The following PSG8 variants were observed in gnomAD, a reference collection of about 807,000 sequenced individuals.
PSG8 encodes pregnancy-specific beta-1-glycoprotein 8.
A neutral mutation model predicts 42.5 loss-of-function variants in PSG8; 57 were observed. That is an observed-to-expected ratio of 1.34 (90% confidence interval 1.08 to 1.67). The LOEUF (loss-of-function observed/expected upper bound fraction) is 1.67, where lower values mean the gene tolerates loss of function less well. Ranked by LOEUF, PSG8 falls within the 40% of genes most tolerant of loss-of-function variation. The pLI, the probability that PSG8 is intolerant of heterozygous loss-of-function variation, is 0.00. For synonymous variants in PSG8, 280 were observed against 196.8 expected (o/e 1.42, Z -3.54); for missense variants, 783 against 518.6 (o/e 1.51, Z -4.95).
chr19:42,754,303 C>A lies in PSG8; in HGVS notation c.1273G>T (p.Gly425Trp). 1 of 1,613,428 alleles carries A rather than the reference C, an allele frequency of 6.2e-7. No individual in the cohort carries two copies. Among genetic ancestry groups the A allele is most frequent in the Non-Finnish European group, 8.5e-7 (1 of 1,179,654 alleles). The change falls in exon 5 of 5, where the codon GGG becomes TGG. Residue 425 changes from glycine to tryptophan, a missense_variant. Physicochemically the swap from Gly to Trp is radical, Grantham distance 184 (BLOSUM62 -2). Coordinates refer to ENST00000306511, the MANE Select transcript of PSG8 (RefSeq NM_182707.3). ...GKRIPVSLAI[G>W]I ...GGCCAGATAGACTCCACCTAAATCCCTATTGCCAAGGATACTGGGATCCGC... is the reference window on the plus strand; with the variant it reads ...GGCCAGATAGACTCCACCTAAATCCATATTGCCAAGGATACTGGGATCCGC...
At chr19:42,753,165 T>A (rs994227157), downstream of PSG8, 1 of 719,586 alleles carries the variant, frequency 1.4e-6, no homozygotes, top group Non-Finnish European at 2.6e-6. Context: ...TGTCCTGGTT[T>A]ACAGTTTGAG....
intron 3 of PSG8, among the ~76,000 whole-genome samples, chr19:42,757,687 G>A (rs994628585): frequency 6.6e-6 from 1 of 152,184 alleles, no homozygotes; most frequent in Non-Finnish European, 1.5e-5. Flanking sequence ...GTGACCCTGT[G>A]AGCCAAGTCA....
At position 42,754,446 on chromosome 19, in the gene PSG8, T is replaced by G. The variant is rs974719797; in HGVS notation, c.1130A>C (p.Gln377Pro). 4 of 1,613,802 alleles carry G rather than the reference T, an allele frequency of 2.5e-6. No homozygotes were observed. Among genetic ancestry groups the G allele is most frequent in the Admixed American group, 1.7e-5 (1 of 59,980 alleles). ...AGTAATTTGGGGGATAAAGAGCTTT[T>G]GTCCTGATAGCTGAAACTTCCCATT... ...TINGKFQLSG[Q>P]KLFIPQITTK... Residue 377 changes from glutamine to proline, a missense_variant, in exon 5 of 5, where the codon CAA (glutamine) becomes CCA (proline). Transcript: ENST00000306511.
intron 2 of PSG8, among the ~76,000 whole-genome samples, chr19:42,762,923 G>A (rs545383874): frequency 2.6e-5 from 4 of 152,166 alleles, no homozygotes; most frequent in East Asian, 1.9e-4. Context: ...CTGTGGCTGC[G>A]GACACACCTC....
rs778872603 is a variant in PSG8 at position 42,764,136 on chromosome 19, C to T, written c.210G>A (p.Gly70=). Residue 70 remains glycine, a synonymous_variant, in exon 2 of 5, where the codon GGG becomes GGA. Transcript: ENST00000306511. ...QNLTGYIWYK[G]QIRDLYHYIT... is the part of the protein sequence containing the mutation. The stretch of plus-strand genomic sequence containing the variant: ...TGTAATGGTAGAGGTCCCTGATTTG[C>T]CCTTTGTACCAGATGTAGCCAGTAA... The T allele has an allele frequency of 5.7e-5, 92 of 1,613,710 alleles. 1 individual carries two copies. Among genetic ancestry groups the T allele is most frequent in the Non-Finnish European group, 7.7e-5 (91 of 1,179,884 alleles).
intron 2 of PSG8, among the ~76,000 whole-genome samples, chr19:42,760,505 G>C: frequency 6.6e-6 from 1 of 152,132 alleles, no homozygotes; most frequent in East Asian, 1.9e-4. Flanking sequence ...TTCTATTGAC[G>C]TATCCTCAAG....
intron 1 of PSG8, among the ~76,000 whole-genome samples, chr19:42,765,076 G>C (rs1203456442): frequency 1.3e-5 from 2 of 151,682 alleles, no homozygotes; most frequent in East Asian, 1.9e-4. Flanking sequence ...TGACTTTCCT[G>C]TTTTGACCCC....
At chr19:42,757,767 T>G (rs1042069653) in intron 3 of PSG8, among the ~76,000 whole-genome samples, 11 of 152,260 alleles carry the variant, frequency 7.2e-5, no homozygotes, top group South Asian at 2.1e-4. Flanking sequence ...CACCTGTTTC[T>G]CCCATCACAA....
chr19:42,765,279 A>G (rs1414805586), intron 1 of PSG8, among the ~76,000 whole-genome samples: 2 of 151,502 alleles, frequency 1.3e-5, no homozygotes, highest in South Asian at 2.1e-4. Flanking sequence ...CAGCCTCCCG[A>G]GTAGCTAGGA....
Position 42,764,254 on chromosome 19 carries a change from G to C in PSG8, c.92C>G (p.Pro31Arg). The change falls in exon 2 of 5, where the codon CCC (proline) becomes CGC (arginine). Residue 31 changes from proline (P) to arginine (R), a missense_variant. Physicochemically the swap from Pro to Arg is moderately radical, Grantham distance 103. Coordinates refer to ENST00000306511, the MANE Select transcript of PSG8 (RefSeq NM_182707.3). ...TASLLNFWNP[P>R]TTAQVTIEAQ... Reference sequence around the variant, plus strand: ...TTCAATCGTGACTTGGGCAGTCGTGGGTGGGTTCCAGAAGTTTAAAAGTGA... The same window carrying C: ...TTCAATCGTGACTTGGGCAGTCGTGCGTGGGTTCCAGAAGTTTAAAAGTGA... 2 of 1,613,558 alleles carry C rather than the reference G, an allele frequency of 1.2e-6. No individual in the cohort carries two copies. The highest frequency in any genetic ancestry group is 1.7e-6 in the Non-Finnish European group (2 of 1,179,736).
chr19:42,758,507 C>A lies in PSG8; in HGVS notation c.431-227G>T, dbSNP rs1969991331. The A allele has an allele frequency of 1.3e-5, 13 of 978,280 alleles. No homozygotes were observed. In the South Asian group the frequency reaches 2.0e-4, roughly 15 times the overall value. 60.6% of individuals were successfully genotyped at this position (978,280 alleles called of 1,614,324 possible). A position where few individuals can be genotyped will look rare whatever the true frequency, so the allele number is the denominator to read the frequency against. On this transcript the variant is annotated intron_variant, in intron 2 of 4. Coordinates refer to ENST00000306511, the MANE Select transcript of PSG8 (RefSeq NM_182707.3). ...CAGACTTTCTCAAGTGTGAATTGAG[C>A]AGCAGCATTGGGTCATGGAAAGACA...
rs1267590891 is a variant in PSG8 at position 42,764,158 on chromosome 19, G to A, written c.188C>T (p.Thr63Ile). 2.5e-6 allele frequency: 4 copies of A among 1,613,784 alleles called. No individual in the cohort carries two copies. In the African/African-American group the frequency reaches 5.3e-5, roughly 22 times the overall value. Residue 63 changes from threonine (T) to isoleucine (I), a missense_variant, in exon 2 of 5, where the codon ACT becomes ATT. Physicochemically the swap from Thr to Ile is moderately conservative, Grantham distance 89. Transcript: ENST00000306511. ...LLVHNLPQNLTGYIWYKGQIR... is the reference protein window; with the variant it reads ...LLVHNLPQNLIGYIWYKGQIR... Reference sequence around the variant, plus strand: ...TTGCCCTTTGTACCAGATGTAGCCAGTAAGATTCTGGGGCAAATTGTGGAC... The same window carrying A: ...TTGCCCTTTGTACCAGATGTAGCCAATAAGATTCTGGGGCAAATTGTGGAC...
Position 42,755,040 on chromosome 19 carries a change from T to G in PSG8, c.936A>C (p.Ile312=). 6.2e-7 allele frequency: 1 copy of G among 1,613,202 alleles called. No homozygotes were observed. The highest frequency in any genetic ancestry group is 8.5e-7 in the Non-Finnish European group (1 of 1,179,758). ...TGCGGATGCCACCATATTGGTCCCTTATTTCACATTGATAGGGTCCTGTTT... is the reference window on the plus strand; with the variant it reads ...TGCGGATGCCACCATATTGGTCCCTGATTTCACATTGATAGGGTCCTGTTT... The part of the protein sequence containing the change: ...RNETGPYQCE[I]RDQYGGIRSY... The change falls in exon 4 of 5, where the codon ATA becomes ATC. Residue 312 remains isoleucine, a synonymous_variant. Transcript: ENST00000306511.
At chr19:42,759,578 G>C (rs1162676620) in intron 2 of PSG8, among the ~76,000 whole-genome samples, 1 of 152,100 alleles carries the variant, frequency 6.6e-6, no homozygotes, top group Non-Finnish European at 1.5e-5. Context: ...CTTCTTTTTA[G>C]CATCACATCA....
chr19:42,759,009 A>G (rs10407273), intron 2 of PSG8: 22,988 of 152,204 alleles, frequency 0.15, 3,251 homozygotes, highest in African/African-American at 0.37. Context: ...CCTGTTCTGG[A>G]TCCATGATGC....
downstream of PSG8, chr19:42,753,300 A>C: frequency 1.3e-6 from 1 of 780,354 alleles, no homozygotes; most frequent in East Asian, 2.4e-5. Context: ...TCTGGAACAG[A>C]GTGGGTCTTT....
intron 1 of PSG8, among the ~76,000 whole-genome samples, chr19:42,764,822 ACAGGCTGCAGACTCCTG>A (rs1471342679): frequency 6.6e-6 from 1 of 151,890 alleles, no homozygotes; most frequent in African/African-American, 2.4e-5. Context: ...AGTGCCCAGA[ACAGGCTGCAGACTCCTG>A]TAGATGTGAG....
rs1969980934 is a variant in PSG8 at position 42,758,216 on chromosome 19, C to T, written c.495G>A (p.Val165=). 1 of 1,614,050 alleles carries T rather than the reference C, an allele frequency of 6.2e-7. No individual in the cohort carries two copies. Among genetic ancestry groups the T allele is most frequent in the Admixed American group, 1.7e-5 (1 of 60,010 alleles). Residue 165 remains valine, a synonymous_variant, in exon 3 of 5, where the codon GTG becomes GTA. Transcript: ENST00000306511. ...GAGTCTCAGGATCACAGGTTAAGCT[C>T]ACAGCCTCCATGGCCTCCCTGGGGT... is the stretch of plus-strand genomic sequence containing the variant. ...KLNPREAMEA[V]SLTCDPETPD...
chr19:42,753,313 C>A (rs757305607), downstream of PSG8: 4 of 780,432 alleles, frequency 5.1e-6, no homozygotes, highest in South Asian at 5.4e-5. Context: ...GGGTCTTTTT[C>A]TTAGCGATTC....
Sources: allele counts gnomAD v4.1 joint callset (sites outside exome capture counted in the v4.1 genomes callset), GRCh38; gene constraint gnomAD v4.1.1; transcripts MANE v1.5; gene names NCBI Gene and HGNC (gene_info 2026-07-23, HGNC 2026-07-21).